GABBR2: variants seen among roughly 807,000 people sequenced by gnomAD.
GABBR2 encodes the protein G-protein coupled receptor 51.
Under a neutral mutation model 105.6 loss-of-function variants are expected in GABBR2, and 23 were observed. That is an observed-to-expected ratio of 0.22 (90% CI 0.16 to 0.31). The LOEUF (loss-of-function observed/expected upper bound fraction) is 0.31, where lower values mean the gene tolerates loss of function less well. Ranked by LOEUF, GABBR2 falls within the 10% of genes least tolerant of loss-of-function variation. GABBR2 has a pLI of 1.00. For synonymous variants in GABBR2, 478 were observed against 499.7 expected (o/e 0.96, Z 0.58); for missense variants, 734 against 1,245.5 (o/e 0.59, Z 6.18).
chr9:98,519,134 C>A (rs1027049820), intron 3 of GABBR2, among the ~76,000 whole-genome samples: 4 of 152,212 alleles, frequency 2.6e-5, no homozygotes, highest in African/African-American at 9.6e-5. Context: ...TGTCCATCTG[C>A]CCCTGGGCTG....
At chr9:98,531,508 G>A (rs1828066810) in intron 3 of GABBR2, among the ~76,000 whole-genome samples, 1 of 152,188 alleles carries the variant, frequency 6.6e-6, no homozygotes, top group Non-Finnish European at 1.5e-5. Context: ...CCACCACTGA[G>A]CAAAACATCC....
At chr9:98,370,855 G>A (rs867507594) in intron 12 of GABBR2, among the ~76,000 whole-genome samples, 2 of 152,146 alleles carry the variant, frequency 1.3e-5, no homozygotes, top group Admixed American at 6.5e-5. Context: ...GGTGGCGAAT[G>A]CGGTCCACGG....
At chr9:98,612,844 C>T (rs749568853) in intron 1 of GABBR2, among the ~76,000 whole-genome samples, 16 of 152,096 alleles carry the variant, frequency 1.1e-4, no homozygotes, top group East Asian at 1.9e-4. Context: ...ACTCATAGCA[C>T]GCCCAAGTAA....
intron 1 of GABBR2, among the ~76,000 whole-genome samples, chr9:98,687,545 G>A (rs1830635130): frequency 6.6e-6 from 1 of 152,164 alleles, no homozygotes; most frequent in Admixed American, 6.5e-5. Flanking sequence ...CTAAAGTTTG[G>A]TCAAGGAGAG....
intron 1 of GABBR2, among the ~76,000 whole-genome samples, chr9:98,625,440 G>A (rs904792679): frequency 2.0e-5 from 3 of 152,242 alleles, no homozygotes; most frequent in African/African-American, 7.2e-5. Context: ...TGAGAGCTGT[G>A]TCAGGAGACC....
intron 1 of GABBR2, among the ~76,000 whole-genome samples, chr9:98,612,724 G>A (rs949304293): frequency 6.6e-6 from 1 of 152,116 alleles, no homozygotes; most frequent in Non-Finnish European, 1.5e-5. Flanking sequence ...AATTCTCAGG[G>A]GGGAAAAAAC....
chr9:98,684,206 G>C (rs1402223151), intron 1 of GABBR2, among the ~76,000 whole-genome samples: 3 of 122,048 alleles, frequency 2.5e-5, no homozygotes, highest in Non-Finnish European at 5.1e-5. Context: ...TTGGTTGTGG[G>C]GGGTGGGACT....
At chr9:98,539,928 A>AG (rs1564108763) in intron 3 of GABBR2, among the ~76,000 whole-genome samples, 2 of 151,716 alleles carry the variant, frequency 1.3e-5, no homozygotes, top group African/African-American at 4.8e-5. Context: ...AAAAAAAAAA[A>AG]AAAAGAAAAA....
chr9:98,470,527 C>T (rs1448072117), intron 6 of GABBR2, among the ~76,000 whole-genome samples: 2 of 152,138 alleles, frequency 1.3e-5, no homozygotes, highest in Non-Finnish European at 2.9e-5. Context: ...GTCCCTCCCA[C>T]AACACATGGG....
chr9:98,299,131 G>C, intron 17 of GABBR2, 93 bp downstream of exon 17: 1 of 1,083,556 alleles, frequency 9.2e-7, no homozygotes, highest in Non-Finnish European at 1.4e-6. Flanking sequence ...TGCCCTGTCT[G>C]AGCCTCAGTT....
chr9:98,334,958 G>A (rs1831088014), intron 13 of GABBR2, among the ~76,000 whole-genome samples: 1 of 152,138 alleles, frequency 6.6e-6, no homozygotes, highest in Non-Finnish European at 1.5e-5. Flanking sequence ...GGACACTGTG[G>A]TTCCCTTGTC....
At chr9:98,590,555 C>T (rs1439084254) in intron 1 of GABBR2, among the ~76,000 whole-genome samples, 1 of 152,266 alleles carries the variant, frequency 6.6e-6, no homozygotes, top group Non-Finnish European at 1.5e-5. Flanking sequence ...AAGTCAGGGT[C>T]ACAAACACAA....
In GABBR2 at chr9:98,400,332, T is replaced by C. The variant is rs186801450; in HGVS notation, c.1297+5749A>G. Among the ~76,000 whole-genome samples the C allele has an allele frequency of 7.4e-4, 113 of 152,184 alleles. 3 individuals are homozygous for C. In the East Asian group the frequency reaches 0.018, roughly 24 times the overall value. On this transcript the variant is annotated intron_variant, in intron 8 of 18. Transcript: ENST00000259455. ...AACGATACGTAAAGTCACAATATGA[T>C]ATTACTTTATACTTTTAGACCGTCA...
At chr9:98,418,610 T>C (rs547063415) in intron 7 of GABBR2, among the ~76,000 whole-genome samples, 129 of 152,168 alleles carry the variant, frequency 8.5e-4, no homozygotes, top group Non-Finnish European at 1.4e-3. Flanking sequence ...ACAATATGTA[T>C]ATATGTAAAT....
intron 1 of GABBR2, among the ~76,000 whole-genome samples, chr9:98,629,891 G>A (rs143728631): frequency 9.2e-5 from 14 of 152,084 alleles, no homozygotes; most frequent in East Asian, 5.8e-4. Context: ...ATACTGCACC[G>A]GTATTAAGAT....
chr9:98,659,162 G>A (rs1351131202), intron 1 of GABBR2, among the ~76,000 whole-genome samples: 1 of 152,158 alleles, frequency 6.6e-6, no homozygotes, highest in Non-Finnish European at 1.5e-5. Context: ...GAAGCTCAGG[G>A]CCAAATTTCT....
intron 6 of GABBR2, among the ~76,000 whole-genome samples, chr9:98,465,504 A>T (rs950081339): frequency 6.6e-6 from 1 of 152,232 alleles, no homozygotes; most frequent in African/African-American, 2.4e-5. Flanking sequence ...ATTTCTGTTC[A>T]TTAAAACACA....
chr9:98,433,579 C>T (rs1290958257), intron 7 of GABBR2, among the ~76,000 whole-genome samples: 1 of 152,128 alleles, frequency 6.6e-6, no homozygotes, highest in Non-Finnish European at 1.5e-5. Flanking sequence ...TTCCCTCAAG[C>T]TTGGGGCATT....
chr9:98,496,323 C>G, intron 4 of GABBR2, 90 bp downstream of exon 4: 1 of 841,576 alleles, frequency 1.2e-6, no homozygotes, highest in Non-Finnish European at 2.0e-6. Context: ...AGACCCAGAC[C>G]AAACTTGAGG....
Sources: allele counts gnomAD v4.1 joint callset (sites outside exome capture counted in the v4.1 genomes callset), GRCh38; gene constraint gnomAD v4.1.1; transcripts MANE v1.5; gene names NCBI Gene and HGNC (gene_info 2026-07-23, HGNC 2026-07-21).